Variants in BPTF observed in about 807,000 individuals in gnomAD.
BPTF encodes the protein nucleosome-remodeling factor subunit BPTF.
Under a neutral mutation model 292.5 loss-of-function variants are expected in BPTF, and 18 were observed. That is an observed-to-expected ratio of 0.06 (90% CI 0.04 to 0.09). The LOEUF (loss-of-function observed/expected upper bound fraction) is 0.09, where lower values mean the gene tolerates loss of function less well. Ranked by LOEUF, BPTF falls within the 10% of genes least tolerant of loss-of-function variation. The pLI is 1.00. For missense variants in BPTF, 2,726 were observed against 3,498.7 expected, an observed-to-expected ratio of 0.78 and a Z score of 5.57; for synonymous variants, 1,225 against 1,251.9, an observed-to-expected ratio of 0.98 and a Z score of 0.45.
At chr17:67,900,257 A>G (rs944612810) in intron 7 of BPTF, among the ~76,000 whole-genome samples, 1 of 151,978 alleles carries the variant, frequency 6.6e-6, no homozygotes, top group Non-Finnish European at 1.5e-5. Flanking sequence ...GACAAGTACC[A>G]CAATGCCCGG....
rs761061981 is a variant in BPTF, at chr17:67,935,487, A to G, written c.6259+3468A>G. ...AATGAAAGCACAAGTAATAATAATT[A>G]CAAAACAGAAAAGACCAAAAAAATT... On this transcript the variant is annotated intron_variant, in intron 18 of 27. Coordinates refer to ENST00000306378, the MANE Select transcript of BPTF (RefSeq NM_182641.4). Among the ~76,000 whole-genome samples, 4 of 152,312 alleles carry G rather than the reference A, an allele frequency of 2.6e-5. No individual in the cohort carries two copies. In the South Asian group the frequency reaches 6.2e-4, roughly 24 times the overall value.
In BPTF at chr17:67,825,589, TCCACCCGCTTCCGTCGGCCGGGCCCCTC is replaced by T. The variant is rs2055909939; in HGVS notation, c.-133_-106del. The T allele has an allele frequency of 2.5e-6, 1 of 402,760 alleles. No homozygotes were observed. 24.9% of individuals were successfully genotyped at this position (402,760 alleles called of 1,614,324 possible). A position where few individuals can be genotyped will look rare whatever the true frequency, so the allele number is the denominator to read the frequency against. On this transcript the variant is annotated 5_prime_UTR_variant, in exon 1 of 28. Transcript: ENST00000306378. ...AGCAATTCGGATTGAGCCTTCTCCC[TCCACCCGCTTCCGTCGGCCGGGCCCCTC>T]CCGCCCGGCCCCGCGGGCCTCCCCA...
chr17:67,862,411 C>T (rs1447145515), intron 2 of BPTF, among the ~76,000 whole-genome samples: 1 of 152,184 alleles, frequency 6.6e-6, no homozygotes, highest in East Asian at 1.9e-4. Flanking sequence ...ATTCTAACAA[C>T]AGCATCTTCC....
chr17:67,875,706 A>T (rs1282963834), intron 4 of BPTF: 1 of 1,603,844 alleles, frequency 6.2e-7, no homozygotes, highest in South Asian at 1.1e-5. Flanking sequence ...AACATGGCAG[A>T]GAAGAAGGTG....
intron 23 of BPTF, among the ~76,000 whole-genome samples, chr17:67,958,643 C>G (rs1157073176): frequency 6.7e-6 from 1 of 148,424 alleles, no homozygotes; most frequent in African/African-American, 2.5e-5. Flanking sequence ...GCAGGAGAAT[C>G]ACTTGAACCC....
intron 27 of BPTF, among the ~76,000 whole-genome samples, chr17:67,976,685 CAAAAAAAAA>C (rs1156404121): frequency 0.015 from 369 of 24,856 alleles, 8 homozygotes; most frequent in African/African-American, 0.029. Flanking sequence ...GACCCTGTCT[CAAAAAAAAA>C]AAAAAAAAAA....
chr17:67,958,432 A>T (rs2067152406), intron 23 of BPTF, among the ~76,000 whole-genome samples: 1 of 152,022 alleles, frequency 6.6e-6, no homozygotes, highest in Non-Finnish European at 1.5e-5. Flanking sequence ...CTTTTTAAAA[A>T]ATATATGAAA....
Position 67,911,546 on chromosome 17 carries a change from C to T in BPTF, c.3662C>T (p.Ala1221Val), listed in dbSNP as rs765705928. 2 of 1,613,798 alleles carry T rather than the reference C, an allele frequency of 1.2e-6. No homozygotes were observed. The highest frequency in any genetic ancestry group is 2.7e-5 in the African/African-American group (2 of 74,848). ...NDFFIDDSKLASADDIGTLIC... is the reference protein window; with the variant it reads ...NDFFIDDSKLVSADDIGTLIC... ...TTTTTCATCGATGACTCTAAACTAGCCAGTGCAGATGATATTGGTACTTTG... is the reference window on the plus strand; with the variant it reads ...TTTTTCATCGATGACTCTAAACTAGTCAGTGCAGATGATATTGGTACTTTG... Residue 1221 changes from alanine to valine, a missense_variant, in exon 11 of 28, where the codon GCC becomes GTC. Ala to Val is a moderately conservative substitution (Grantham distance 64, BLOSUM62 0). Coordinates refer to ENST00000306378, the MANE Select transcript of BPTF (RefSeq NM_182641.4).
chr17:67,968,432 A>T (rs1245427238), intron 26 of BPTF, among the ~76,000 whole-genome samples: 3 of 151,750 alleles, frequency 2.0e-5, no homozygotes, highest in Non-Finnish European at 4.4e-5. Flanking sequence ...TACTAAAATA[A>T]TAAGTTAATT....
rs2067376168 is a variant in BPTF, at chr17:67,960,504, G to A, written c.8261+629G>A. The A allele has an allele frequency of 2.0e-5, 3 of 152,188 alleles. No individual in the cohort carries two copies. In the South Asian group the frequency reaches 6.2e-4, roughly 31 times the overall value. 9.4% of individuals were successfully genotyped at this position (152,188 alleles called of 1,614,324 possible). ...CAGCTGGAAGCTGTTTTTGACAGTTGTGACTTGTATTTGGTGATATAAACA... is the reference window on the plus strand; with the variant it reads ...CAGCTGGAAGCTGTTTTTGACAGTTATGACTTGTATTTGGTGATATAAACA... On this transcript the variant is annotated intron_variant, in intron 24 of 27. Transcript: ENST00000306378.
Position 67,945,636 on chromosome 17 carries a change from C to T in BPTF, c.6928C>T (p.Pro2310Ser). 1.2e-6 allele frequency: 2 copies of T among 1,614,004 alleles called. No homozygotes were observed. The highest frequency in any genetic ancestry group is 1.7e-6 in the Non-Finnish European group (2 of 1,179,982). ...QTQTTVSSHV[P>S]SEAQPTHAQS... is the part of the protein sequence containing the mutation. ...CCAAACAACTGTTTCATCCCATGTC[C>T]CTTCTGAAGCACAACCCACCCACGC... Residue 2310 changes from proline to serine, a missense_variant, in exon 21 of 28, where the codon CCT (proline) becomes TCT (serine). By Grantham distance (74) the Pro-to-Ser change is moderately conservative. This residue lies in a region of BPTF where 570 missense variants were observed against 633.5 expected (regional missense o/e 0.90). Coordinates refer to ENST00000306378, the MANE Select transcript of BPTF (RefSeq NM_182641.4).
At chr17:67,920,850 A>T (rs2063382748) in intron 13 of BPTF, among the ~76,000 whole-genome samples, 1 of 152,136 alleles carries the variant, frequency 6.6e-6, no homozygotes, top group South Asian at 2.1e-4. Context: ...CCAGATTGAA[A>T]ATATATAAAT....
In BPTF at chr17:67,911,165, C is replaced by T. The variant is rs754539493; in HGVS notation, c.3281C>T (p.Thr1094Ile). The change falls in exon 11 of 28, where the codon ACT (threonine) becomes ATT (isoleucine). Residue 1094 changes from threonine (T) to isoleucine (I), a missense_variant. Coordinates refer to ENST00000306378, the MANE Select transcript of BPTF (RefSeq NM_182641.4). ...GGTGGAATTAAGGGTATAGGAAAGA[C>T]TTCTACAAATTCTTCAAAAAATCTC... Reference protein sequence around the residue: ...LEGGIKGIGKTSTNSSKNLSE... With the variant: ...LEGGIKGIGKISTNSSKNLSE... 4 of 1,613,866 alleles carry T rather than the reference C, an allele frequency of 2.5e-6. 1 individual carries two copies. In the South Asian group the frequency reaches 3.3e-5, roughly 13 times the overall value.
At position 67,828,177 on chromosome 17, in the gene BPTF, A is replaced by T. The variant is rs182407543; in HGVS notation, c.613+1840A>T. ...GAACTCTTGACCTCGTGATCCGCCTACCTCGGCCTCCCAAAATGCTGGGAC... is the reference window on the plus strand; with the variant it reads ...GAACTCTTGACCTCGTGATCCGCCTTCCTCGGCCTCCCAAAATGCTGGGAC... On this transcript the variant is annotated intron_variant, in intron 1 of 27. Transcript: ENST00000306378. Among the ~76,000 whole-genome samples, 453 of 152,162 alleles carry T rather than the reference A, an allele frequency of 3.0e-3. 3 individuals carry two copies. Among genetic ancestry groups the T allele is most frequent in the African/African-American group, 0.01 (431 of 41,514 alleles).
chr17:67,866,426 G>A (rs746120747), intron 2 of BPTF, 38 bp from the exon 3 acceptor site: 2 of 1,462,446 alleles, frequency 1.4e-6, no homozygotes, highest in Admixed American at 3.4e-5. Context: ...GTGGCATTAT[G>A]TCTAACATAT....
chr17:67,864,168 T>C (rs2059252409), intron 2 of BPTF, among the ~76,000 whole-genome samples: 1 of 152,126 alleles, frequency 6.6e-6, no homozygotes, highest in Admixed American at 6.6e-5. Context: ...TTGTCACTTT[T>C]ACAATGAGGA....
chr17:67,867,897 A>G (rs1263098192), intron 3 of BPTF, among the ~76,000 whole-genome samples: 2 of 152,086 alleles, frequency 1.3e-5, no homozygotes, highest in Admixed American at 6.6e-5. Flanking sequence ...CAAACCCCCA[A>G]TACTGTACTT....
At chr17:67,909,547 A>G (rs778206300) in intron 9 of BPTF, 35 bp from the exon 10 acceptor site, 1 of 1,411,230 alleles carries the variant, frequency 7.1e-7, no homozygotes, top group Non-Finnish European at 9.6e-7. Flanking sequence ...ATACTCTGGA[A>G]ATAACGTAAA....
At chr17:67,827,037 A>G (rs190994144) in intron 1 of BPTF, among the ~76,000 whole-genome samples, 20 of 152,322 alleles carry the variant, frequency 1.3e-4, no homozygotes, top group Admixed American at 1.0e-3. Flanking sequence ...ACAAGACCCA[A>G]CCAAATTTGG....
Sources: gnomAD v4.1 joint callset for allele counts (sites outside exome capture counted in the v4.1 genomes callset) on GRCh38, gnomAD v4.1.1 for gene constraint, gnomAD v4.1.1 regional missense constraint, MANE v1.5 for transcripts, NCBI Gene and HGNC (gene_info 2026-07-23, HGNC 2026-07-21) for gene names.